BTBD1: variants seen among roughly 807,000 people sequenced by gnomAD.
BTBD1 encodes the protein BTB domain containing 1.
A neutral mutation model predicts 48.0 loss-of-function variants in BTBD1; 34 were observed. The ratio of observed to expected loss-of-function variants is 0.71; its 90% CI spans 0.54 to 0.94. The LOEUF (loss-of-function observed/expected upper bound fraction) is 0.94, where lower values mean the gene tolerates loss of function less well. BTBD1 is among the 40% of genes least tolerant of loss of function. The pLI is 0.00. For missense variants in BTBD1, 543 were observed against 625.6 expected, an observed-to-expected ratio of 0.87 and a Z score of 1.41; for synonymous variants, 261 against 242.1, an observed-to-expected ratio of 1.08 and a Z score of -0.72.
At chr15:83,025,249 G>A (rs1407435610) in intron 5 of BTBD1, among the ~76,000 whole-genome samples, 1 of 150,944 alleles carries the variant, frequency 6.6e-6, no homozygotes, top group African/African-American at 2.4e-5. Flanking sequence ...AGCTACTCGG[G>A]AGGCTGAGGC....
At chr15:83,059,758 T>TA (rs1451113354) in intron 1 of BTBD1, among the ~76,000 whole-genome samples, 1 of 152,138 alleles carries the variant, frequency 6.6e-6, no homozygotes, top group African/African-American at 2.4e-5. Context: ...CATTTTTTTT[T>TA]ATGCTTTATG....
At chr15:83,026,215 C>T (rs1363996854) in intron 5 of BTBD1, among the ~76,000 whole-genome samples, 1 of 152,082 alleles carries the variant, frequency 6.6e-6, no homozygotes, top group Non-Finnish European at 1.5e-5. Context: ...TTATAAGTGG[C>T]CACTATTCTC....
At chr15:83,044,550 A>G in intron 3 of BTBD1, 1 of 1,502,386 alleles carries the variant, frequency 6.7e-7, no homozygotes, top group Non-Finnish European at 9.2e-7. Context: ...CACTTTGAAA[A>G]CACAGTTTTC....
intron 1 of BTBD1, among the ~76,000 whole-genome samples, chr15:83,065,042 T>A (rs930628436): frequency 2.0e-5 from 3 of 152,238 alleles, no homozygotes; most frequent in African/African-American, 4.8e-5. Context: ...GTTGTAACCA[T>A]GGTGCAGTTT....
rs1723445447 is a variant in BTBD1, at chr15:83,018,319, C to T, written c.1291-94G>A. On this transcript the variant is annotated intron_variant, in intron 7 of 7. Coordinates refer to ENST00000261721, the MANE Select transcript of BTBD1 (RefSeq NM_025238.4). ...ATTAGATTAATGTTCCATTATATTT[C>T]ACTATCATTCCTATATAAAATTTTA... 6.7e-6 allele frequency: 7 copies of T among 1,044,804 alleles called. No individual in the cohort carries two copies. The South Asian group carries it at 1.6e-4, about 24-fold the overall frequency. 64.7% of individuals were successfully genotyped at this position (1,044,804 alleles called of 1,614,324 possible). A position where few individuals can be genotyped will look rare whatever the true frequency, so the allele number is the denominator to read the frequency against.
chr15:83,029,948 A>G (rs1478252968), intron 5 of BTBD1, 188 bp downstream of exon 5: 2 of 634,720 alleles, frequency 3.2e-6, no homozygotes, highest in Admixed American at 2.6e-5. Flanking sequence ...AGTCACCCTC[A>G]CTCATAAATC....
In BTBD1 at chr15:83,035,287, T is replaced by C. The variant is rs148341725; in HGVS notation, c.863-4959A>G. ...CCAGCCTGGGTGACAGAGTGAGACATTGTCTCAAAAATAAATAAAACAAAA... is the reference window on the plus strand; with the variant it reads ...CCAGCCTGGGTGACAGAGTGAGACACTGTCTCAAAAATAAATAAAACAAAA... On this transcript the variant is annotated intron_variant, in intron 4 of 7. Transcript: ENST00000261721. Among the ~76,000 whole-genome samples the C allele has an allele frequency of 4.2e-3, 638 of 152,026 alleles. 4 individuals carry two copies. Among genetic ancestry groups the C allele is most frequent in the African/African-American group, 0.011 (438 of 41,482 alleles).
At chr15:83,029,999 A>C in intron 5 of BTBD1, 137 bp downstream of exon 5, 2 of 841,702 alleles carry the variant, frequency 2.4e-6, no homozygotes, top group Non-Finnish European at 3.8e-6. Flanking sequence ...CTTGACTCCT[A>C]TATTAACTTA....
At chr15:83,028,991 G>A (rs1356443397) in intron 5 of BTBD1, among the ~76,000 whole-genome samples, 1 of 151,788 alleles carries the variant, frequency 6.6e-6, no homozygotes, top group Non-Finnish European at 1.5e-5. Context: ...TTTGCTATTT[G>A]TTTTCTAGCT....
chr15:83,047,597 A>G lies in BTBD1; in HGVS notation c.664+2476T>C, dbSNP rs28580708. 7.2e-3 allele frequency among the ~76,000 whole-genome samples: 1,096 copies of G among 152,312 alleles called. 15 individuals are homozygous for G. The highest frequency in any genetic ancestry group is 0.025 in the African/African-American group (1,055 of 41,560). ...AAATAACAGCCAAAATGTAGGTGCTATATCAGGGTCAATGCTTTTAATCTG... is the reference window on the plus strand; with the variant it reads ...AAATAACAGCCAAAATGTAGGTGCTGTATCAGGGTCAATGCTTTTAATCTG... On this transcript the variant is annotated intron_variant, in intron 3 of 7. Coordinates refer to ENST00000261721, the MANE Select transcript of BTBD1 (RefSeq NM_025238.4).
chr15:83,042,354 A>G (rs964613149), intron 3 of BTBD1, among the ~76,000 whole-genome samples: 24 of 121,054 alleles, frequency 2.0e-4, no homozygotes, highest in Non-Finnish European at 3.7e-4. Flanking sequence ...AATTTTATAT[A>G]TATATATATA....
intron 4 of BTBD1, among the ~76,000 whole-genome samples, chr15:83,033,959 ATAATAAAAGAATCTT>A (rs1355933310): frequency 2.6e-5 from 4 of 152,010 alleles, no homozygotes; most frequent in African/African-American, 9.6e-5. Flanking sequence ...CACTAAAATA[ATAATAAAAGAATCTT>A]TAATACGGGA....
At chr15:83,053,305 C>T (rs1359919250) in intron 2 of BTBD1, among the ~76,000 whole-genome samples, 4 of 152,136 alleles carry the variant, frequency 2.6e-5, no homozygotes, top group Non-Finnish European at 5.9e-5. Flanking sequence ...TTAGCAGGAA[C>T]AAGAAGTTTC....
intron 1 of BTBD1, among the ~76,000 whole-genome samples, chr15:83,065,599 C>T (rs2151316727): frequency 6.6e-6 from 1 of 152,330 alleles, no homozygotes; most frequent in Non-Finnish European, 1.5e-5. Context: ...ATTTTAATAA[C>T]AACACGTTCT....
At chr15:83,025,931 G>A (rs991603216) in intron 5 of BTBD1, among the ~76,000 whole-genome samples, 6 of 151,978 alleles carry the variant, frequency 3.9e-5, no homozygotes, top group South Asian at 2.1e-4. Context: ...CACCACGCCC[G>A]GCTAATTTTT....
At chr15:83,023,730 T>G (rs145670059) in intron 5 of BTBD1, among the ~76,000 whole-genome samples, 47 of 152,272 alleles carry the variant, frequency 3.1e-4, no homozygotes, top group African/African-American at 1.1e-3. Flanking sequence ...CATTGTCAAG[T>G]TGCTTTCTGG....
chr15:83,065,967 C>A (rs1266407801), intron 1 of BTBD1, among the ~76,000 whole-genome samples: 1 of 152,114 alleles, frequency 6.6e-6, no homozygotes, highest in Non-Finnish European at 1.5e-5. Flanking sequence ...TGGGTCTTGA[C>A]AACTAATACG....
At chr15:83,053,340 A>G (rs927367576) in intron 2 of BTBD1, among the ~76,000 whole-genome samples, 15 of 152,094 alleles carry the variant, frequency 9.9e-5, no homozygotes, top group Non-Finnish European at 2.2e-4. Context: ...GGGCTAATTC[A>G]CATGACCCCA....
At chr15:83,020,428 A>G in intron 6 of BTBD1, 1 of 381,838 alleles carries the variant, frequency 2.6e-6, no homozygotes, top group Non-Finnish European at 4.6e-6. Context: ...GGAAGTACTA[A>G]TAGAAGGGAT....
Sources: gnomAD v4.1 joint callset for allele counts (sites outside exome capture counted in the v4.1 genomes callset) on GRCh38, gnomAD v4.1.1 for gene constraint, MANE v1.5 for transcripts, NCBI Gene and HGNC (gene_info 2026-07-23, HGNC 2026-07-21) for gene names.